The following ZRANB3 variants were observed in gnomAD, a reference collection of about 807,000 sequenced individuals.
ZRANB3 encodes the protein DNA annealing helicase and endonuclease ZRANB3.
A neutral mutation model predicts 133.8 loss-of-function variants in ZRANB3; 125 were observed. The observed-to-expected ratio is 0.93, with a 90% CI of 0.81 to 1.08. The LOEUF is 1.08. ZRANB3 is among the 50% of genes least tolerant of loss of function. The pLI is 0.00. For missense variants in ZRANB3, 1,229 were observed against 1,275.5 expected (o/e 0.96, Z 0.56); for synonymous variants, 387 against 432.7 (o/e 0.89, Z 1.31).
intron 17 of ZRANB3, among the ~76,000 whole-genome samples, chr2:135,216,040 GT>G (rs956030610): frequency 2.0e-5 from 3 of 151,236 alleles, no homozygotes; most frequent in African/African-American, 7.3e-5. Flanking sequence ...CAATTTCTAT[GT>G]CAGTAATAGC....
intron 11 of ZRANB3, among the ~76,000 whole-genome samples, chr2:135,266,421 G>A (rs977872072): frequency 3.9e-5 from 6 of 152,086 alleles, no homozygotes; most frequent in Non-Finnish European, 5.9e-5. Flanking sequence ...TCCATTCCAG[G>A]TCTTTATCCT....
chr2:135,329,917 T>A (rs183632019), intron 6 of ZRANB3, among the ~76,000 whole-genome samples: 1 of 152,342 alleles, frequency 6.6e-6, no homozygotes. Flanking sequence ...ATTGTGAGAC[T>A]TTGCTGAAGT....
chr2:135,314,995 G>GACCTCAGGTGATCTGCCC (rs1261553824), intron 7 of ZRANB3, among the ~76,000 whole-genome samples: 2 of 151,864 alleles, frequency 1.3e-5, no homozygotes, highest in Non-Finnish European at 2.9e-5. Context: ...GTGATCTGCC[G>GACCTCAGGTGATCTGCCC]ACCTCAGGTG....
At chr2:135,258,619 A>T (rs1679783078) in intron 12 of ZRANB3, among the ~76,000 whole-genome samples, 1 of 152,176 alleles carries the variant, frequency 6.6e-6, no homozygotes, top group Non-Finnish European at 1.5e-5. Flanking sequence ...TACGACATAG[A>T]CATTTGTATG....
chr2:135,398,630 T>C (rs1462270962), intron 2 of ZRANB3, among the ~76,000 whole-genome samples: 2 of 149,792 alleles, frequency 1.3e-5, no homozygotes, highest in East Asian at 4.0e-4. Context: ...GCCATTCTCC[T>C]GCCTCAGCCT....
intron 12 of ZRANB3, among the ~76,000 whole-genome samples, chr2:135,255,133 T>C (rs533256161): frequency 1.3e-5 from 2 of 152,158 alleles, no homozygotes; most frequent in South Asian, 4.1e-4. Context: ...GCCATTGTTT[T>C]AGTCTCAGCT....
intron 5 of ZRANB3, among the ~76,000 whole-genome samples, chr2:135,349,301 C>A (rs1309077483): frequency 2.0e-5 from 3 of 152,198 alleles, no homozygotes; most frequent in Non-Finnish European, 4.4e-5. Flanking sequence ...ATTCTCCCAG[C>A]AACCCTACAT....
chr2:135,293,370 G>A (rs928875899), intron 8 of ZRANB3, among the ~76,000 whole-genome samples: 15 of 151,976 alleles, frequency 9.9e-5, no homozygotes, highest in Non-Finnish European at 4.4e-5. Flanking sequence ...GTGAATGGGA[G>A]TTCACTCATG....
chr2:135,292,128 G>T (rs1335964578), intron 8 of ZRANB3, among the ~76,000 whole-genome samples: 5 of 152,272 alleles, frequency 3.3e-5, no homozygotes, highest in African/African-American at 9.6e-5. Context: ...GGATGGCTGG[G>T]TCAAATGGTA....
chr2:135,229,363 A>G lies in ZRANB3; in HGVS notation c.1954+1150T>C, dbSNP rs556466160. Among the ~76,000 whole-genome samples the G allele has an allele frequency of 4.7e-5, 7 of 150,520 alleles. No homozygotes were observed. The South Asian group carries it at 1.5e-3, about 31-fold the overall frequency. ...TCTTAGCTGAGTCTTTGTCAATGCC[A>G]ATATTTTTTTTTTTTTTTTTTTGAG... On this transcript the variant is annotated intron_variant, in intron 13 of 20. Coordinates refer to ENST00000264159, the MANE Select transcript of ZRANB3 (RefSeq NM_032143.4).
intron 6 of ZRANB3, among the ~76,000 whole-genome samples, chr2:135,321,724 C>A (rs1004696108): frequency 3.3e-5 from 5 of 152,116 alleles, no homozygotes; most frequent in Non-Finnish European, 5.9e-5. Flanking sequence ...AGGTGATCTG[C>A]CCACCTTGCC....
chr2:135,390,786 C>G lies in ZRANB3; in HGVS notation c.180+16G>C. ...TGTAATCTTATAAAAGACATAAAAACCATTGAAACACTTACTTCATCAGCC... is the reference window on the plus strand; with the variant it reads ...TGTAATCTTATAAAAGACATAAAAAGCATTGAAACACTTACTTCATCAGCC... On this transcript the variant is annotated intron_variant, in intron 3 of 20. Transcript: ENST00000264159. 1 of 1,545,962 alleles carries G rather than the reference C, an allele frequency of 6.5e-7. No individual in the cohort carries two copies. Among genetic ancestry groups the G allele is most frequent in the Non-Finnish European group, 8.7e-7 (1 of 1,146,138 alleles).
At position 135,484,893 on chromosome 2, in the gene ZRANB3, A is replaced by G. The variant is rs369391911; in HGVS notation, c.161+19436T>C. ...TACTAAAAATACAAAAAAATTAGCC[A>G]GGTGAGATGGTGGGCACCTGTAGTC... On this transcript the variant is annotated intron_variant, in intron 2 of 20. Transcript: ENST00000264159. Among the ~76,000 whole-genome samples the G allele has an allele frequency of 2.3e-4, 35 of 151,822 alleles. No individual in the cohort carries two copies. The East Asian group carries it at 3.5e-3, about 15-fold the overall frequency.
At chr2:135,312,482 TTACAGGTTC>T (rs1683043506) in intron 8 of ZRANB3, among the ~76,000 whole-genome samples, 1 of 152,102 alleles carries the variant, frequency 6.6e-6, no homozygotes, top group Non-Finnish European at 1.5e-5. Context: ...TCGTCAGTAT[TTACAGGTTC>T]TACCATGGTG....
chr2:135,340,201 G>A (rs1338928167), intron 6 of ZRANB3, among the ~76,000 whole-genome samples: 5 of 150,504 alleles, frequency 3.3e-5, no homozygotes, highest in African/African-American at 9.8e-5. Context: ...CGCCTCCTCA[G>A]TTCTAGTGAT....
intron 2 of ZRANB3, among the ~76,000 whole-genome samples, chr2:135,441,624 A>C (rs1359612357): frequency 2.6e-5 from 4 of 152,100 alleles, no homozygotes; most frequent in African/African-American, 9.7e-5. Flanking sequence ...CTTACATATA[A>C]TATATACTTG....
At chr2:135,479,685 C>T (rs892544391) in intron 2 of ZRANB3, among the ~76,000 whole-genome samples, 1 of 151,762 alleles carries the variant, frequency 6.6e-6, no homozygotes, top group African/African-American at 2.4e-5. Context: ...AAAAAGGACA[C>T]CTATTGATAC....
chr2:135,300,260 A>G (rs903958626), intron 8 of ZRANB3, among the ~76,000 whole-genome samples: 3 of 152,224 alleles, frequency 2.0e-5, no homozygotes, highest in African/African-American at 7.2e-5. Flanking sequence ...AATTAAGTAT[A>G]TGCCCTTAAA....
chr2:135,393,843 G>A (rs1000083540), intron 2 of ZRANB3, among the ~76,000 whole-genome samples: 4 of 151,970 alleles, frequency 2.6e-5, no homozygotes, highest in Non-Finnish European at 5.9e-5. Context: ...TAACTGAAAC[G>A]AAAAGCAGCA....
Sources: allele counts gnomAD v4.1 joint callset (sites outside exome capture counted in the v4.1 genomes callset), GRCh38; gene constraint gnomAD v4.1.1; transcripts MANE v1.5; gene names NCBI Gene and HGNC (gene_info 2026-07-23, HGNC 2026-07-21).